PDIA5: variants seen among roughly 807,000 people sequenced by gnomAD.
PDIA5 encodes the protein protein disulfide isomerase family A member 5.
In PDIA5, 58 loss-of-function variants were observed where a neutral mutation model predicts 77.6. The observed-to-expected ratio is 0.75, with a 90% CI of 0.61 to 0.93. The LOEUF (loss-of-function observed/expected upper bound fraction) is 0.93, where lower values mean the gene tolerates loss of function less well. PDIA5 is among the 40% of genes least tolerant of loss of function. The pLI is 0.00. For synonymous variants in PDIA5, 250 were observed against 252.1 expected, an observed-to-expected ratio of 0.99 and a Z score of 0.08; for missense variants, 630 against 647.7, an observed-to-expected ratio of 0.97 and a Z score of 0.30.
chr3:123,089,852 G>A (rs1223001466), intron 2 of PDIA5, among the ~76,000 whole-genome samples: 1 of 152,252 alleles, frequency 6.6e-6, no homozygotes, highest in Non-Finnish European at 1.5e-5. Context: ...TTGGGGGCAG[G>A]AGCAGCGGCC....
At chr3:123,152,078 T>A (rs1218972605) in intron 14 of PDIA5, among the ~76,000 whole-genome samples, 2 of 119,220 alleles carry the variant, frequency 1.7e-5, no homozygotes, top group Non-Finnish European at 3.4e-5. Context: ...CCTTTCTTCC[T>A]GCCTTCCTTC....
At chr3:123,105,120 A>G (rs963831685) in intron 5 of PDIA5, among the ~76,000 whole-genome samples, 18 of 152,072 alleles carry the variant, frequency 1.2e-4, no homozygotes, top group Non-Finnish European at 2.1e-4. Flanking sequence ...GGGCCAGGAC[A>G]CCCCCCAGAG....
At chr3:123,134,034 C>CT (rs951611399) in intron 11 of PDIA5, among the ~76,000 whole-genome samples, 29 of 144,398 alleles carry the variant, frequency 2.0e-4, no homozygotes, top group Non-Finnish European at 9.2e-5. Flanking sequence ...TCTTTTCTTT[C>CT]TTTTTTTGAC....
chr3:123,090,751 A>G (rs1408049574), intron 2 of PDIA5, among the ~76,000 whole-genome samples: 2 of 151,998 alleles, frequency 1.3e-5, no homozygotes, highest in Non-Finnish European at 2.9e-5. Flanking sequence ...AGGCGCTTGC[A>G]GGGCAGGAGG....
intron 10 of PDIA5, among the ~76,000 whole-genome samples, chr3:123,126,418 C>T (rs1025143726): frequency 2.0e-5 from 3 of 152,210 alleles, no homozygotes; most frequent in African/African-American, 7.2e-5. Context: ...ATTCTGCTAC[C>T]AGCTGGCTTA....
chr3:123,101,223 A>G (rs1934583394), intron 3 of PDIA5, among the ~76,000 whole-genome samples: 1 of 152,212 alleles, frequency 6.6e-6, no homozygotes, highest in African/African-American at 2.4e-5. Flanking sequence ...ACACATCAGA[A>G]TCACCTAGAA....
intron 11 of PDIA5, among the ~76,000 whole-genome samples, chr3:123,136,135 A>G (rs888980259): frequency 1.2e-4 from 18 of 151,816 alleles, no homozygotes; most frequent in Admixed American, 7.2e-4. Context: ...GAGTCTCCCT[A>G]TGTTGCTCAG....
chr3:123,147,536 T>A (rs1935798221), intron 13 of PDIA5, among the ~76,000 whole-genome samples: 1 of 152,142 alleles, frequency 6.6e-6, no homozygotes, highest in Admixed American at 6.5e-5. Flanking sequence ...AGCCATGGTG[T>A]TCTAAGCAAC....
chr3:123,150,539 C>T (rs1275992768), intron 14 of PDIA5, among the ~76,000 whole-genome samples, 175 bp downstream of exon 14: 1 of 152,150 alleles, frequency 6.6e-6, no homozygotes, highest in Non-Finnish European at 1.5e-5. Flanking sequence ...TCCTTCAAAT[C>T]CAGGGCCTCC....
Position 123,146,105 on chromosome 3 carries a change from G to C in PDIA5, c.988G>C (p.Gly330Arg). Residue 330 changes from glycine to arginine, a missense_variant, in exon 13 of 17, where the codon GGT becomes CGT. Transcript: ENST00000316218. ...GGCCTTTCCCCCATCCCAGAGCTCT[G>C]GTGTCCTTGCAGCTGTCGATGCCAC... is the stretch of plus-strand genomic sequence containing the variant. ...EALHGEADSSGVLAAVDATVN... is the reference protein window; with the variant it reads ...EALHGEADSSRVLAAVDATVN... The C allele has an allele frequency of 1.2e-6, 2 of 1,614,130 alleles. No individual in the cohort carries two copies. The highest frequency in any genetic ancestry group is 1.7e-6 in the Non-Finnish European group (2 of 1,179,998).
At chr3:123,113,018 C>T (rs531298693) in intron 7 of PDIA5, among the ~76,000 whole-genome samples, 85 of 152,304 alleles carry the variant, frequency 5.6e-4, no homozygotes, top group African/African-American at 1.9e-3. Context: ...CTTTAACCCT[C>T]GCTCCTTCTC....
intron 1 of PDIA5, among the ~76,000 whole-genome samples, chr3:123,067,900 A>G (rs1933618177): frequency 6.6e-6 from 1 of 152,208 alleles, no homozygotes; most frequent in Non-Finnish European, 1.5e-5. Context: ...GGTGGTTCTG[A>G]GAGTCGGATG....
intron 11 of PDIA5, among the ~76,000 whole-genome samples, chr3:123,144,220 T>C (rs575154940): frequency 6.6e-6 from 1 of 152,292 alleles, no homozygotes; most frequent in South Asian, 2.1e-4. Flanking sequence ...ACTGTTTGAC[T>C]TTCTGTCTTG....
At chr3:123,138,412 G>A (rs537867464) in intron 11 of PDIA5, among the ~76,000 whole-genome samples, 1 of 152,106 alleles carries the variant, frequency 6.6e-6, no homozygotes, top group East Asian at 1.9e-4. Flanking sequence ...CTGTAAATTG[G>A]TTAACTAGCA....
chr3:123,120,317 C>A (rs994332582), intron 8 of PDIA5, among the ~76,000 whole-genome samples: 1 of 152,292 alleles, frequency 6.6e-6, no homozygotes, highest in Non-Finnish European at 1.5e-5. Context: ...AGCCTTGGAG[C>A]CTCCATTTCT....
In PDIA5 at chr3:123,116,370, G is replaced by C. The variant is rs142343534; in HGVS notation, c.609+72G>C. 3.3e-5 allele frequency: 38 copies of C among 1,136,280 alleles called. No homozygotes were observed. In the Middle Eastern group the frequency reaches 1.5e-3, roughly 45 times the overall value. 70.4% of individuals were successfully genotyped at this position (1,136,280 alleles called of 1,614,324 possible). A position where few individuals can be genotyped will look rare whatever the true frequency, so the allele number is the denominator to read the frequency against. ...TGGCGGAGGAAGGGTGCCAGGGGTG[G>C]GGTGGGGACAGGTTTTGAAATGGTG... is the stretch of plus-strand genomic sequence containing the variant. On this transcript the variant is annotated intron_variant, in intron 8 of 16. Coordinates refer to ENST00000316218, the MANE Select transcript of PDIA5 (RefSeq NM_006810.4).
intron 11 of PDIA5, among the ~76,000 whole-genome samples, chr3:123,140,823 A>G (rs1229463357): frequency 1.3e-5 from 2 of 152,234 alleles, no homozygotes; most frequent in Non-Finnish European, 2.9e-5. Context: ...GCCAAAGCCC[A>G]GGAGACAGCC....
chr3:123,067,047 A>G lies in PDIA5; in HGVS notation c.-118A>G, dbSNP rs1248861047. On this transcript the variant is annotated 5_prime_UTR_variant, in exon 1 of 17. Coordinates refer to ENST00000316218, the MANE Select transcript of PDIA5 (RefSeq NM_006810.4). ...GGCAGACGTGGCACCGGGAACTCGGAGGCGGGGAGCGGCTGGGAAGTGGCC... is the reference window on the plus strand; with the variant it reads ...GGCAGACGTGGCACCGGGAACTCGGGGGCGGGGAGCGGCTGGGAAGTGGCC... 4 of 848,232 alleles carry G rather than the reference A, an allele frequency of 4.7e-6. No individual in the cohort carries two copies. The highest frequency in any genetic ancestry group is 3.3e-5 in the East Asian group (1 of 30,002). The allele number at this position is 848,232 out of a possible 1,614,324, so 52.5% of individuals were successfully genotyped here.
chr3:123,119,102 A>C (rs961095), intron 8 of PDIA5, among the ~76,000 whole-genome samples: 1 of 152,150 alleles, frequency 6.6e-6, no homozygotes, highest in African/African-American at 2.4e-5. Context: ...AATTTTAAAA[A>C]TTAGCTGGGT....
Sources: gnomAD v4.1 joint callset for allele counts (sites outside exome capture counted in the v4.1 genomes callset) on GRCh38, gnomAD v4.1.1 for gene constraint, MANE v1.5 for transcripts, NCBI Gene and HGNC (gene_info 2026-07-23, HGNC 2026-07-21) for gene names.